Variants in SINHCAF observed in about 807,000 individuals in gnomAD.
The protein encoded by SINHCAF is SIN3-HDAC complex associated factor.
Under a neutral mutation model 25.8 loss-of-function variants are expected in SINHCAF, and 3 were observed. The ratio of observed to expected loss-of-function variants is 0.12; its 90% CI spans 0.05 to 0.30. The LOEUF is 0.30. SINHCAF is among the 10% of genes least tolerant of loss of function. The pLI is 1.00. For synonymous variants in SINHCAF, 70 were observed against 85.5 expected, an observed-to-expected ratio of 0.82 and a Z score of 1.00; for missense variants, 121 against 262.3, an observed-to-expected ratio of 0.46 and a Z score of 3.72.
intron 1 of SINHCAF, among the ~76,000 whole-genome samples, chr12:31,307,115 C>T (rs566036266): frequency 6.6e-6 from 1 of 152,284 alleles, no homozygotes; most frequent in African/African-American, 2.4e-5. Flanking sequence ...AGGCCTGGTG[C>T]AGTGGCTCAT....
At chr12:31,304,023 G>A (rs1938920523) in intron 1 of SINHCAF, 1 of 150,830 alleles carries the variant, frequency 6.6e-6, no homozygotes, top group Non-Finnish European at 1.5e-5. Flanking sequence ...GGAGGCTGAG[G>A]TAGGAGGATC....
chr12:31,315,682 T>G (rs929867784), intron 1 of SINHCAF, among the ~76,000 whole-genome samples: 43 of 152,308 alleles, frequency 2.8e-4, no homozygotes, highest in African/African-American at 1.0e-3. Context: ...AGAAAGAAAT[T>G]TAGAGGAGGA....
At position 31,281,271 on chromosome 12, in the gene SINHCAF, T is replaced by C. The variant is rs1217282783; in HGVS notation, c.*1441A>G. On this transcript the variant is annotated 3_prime_UTR_variant, in exon 6 of 6. Transcript: ENST00000337682. Reference sequence around the variant, plus strand: ...GAGGCTTTTCATGAAAATCTTAGGATTGAAGAGCTCTAAGTTCAGGATATC... The same window carrying C: ...GAGGCTTTTCATGAAAATCTTAGGACTGAAGAGCTCTAAGTTCAGGATATC... 4 of 152,188 alleles carry C rather than the reference T, an allele frequency of 2.6e-5. No homozygotes were observed. The highest frequency in any genetic ancestry group is 9.7e-5 in the African/African-American group (4 of 41,450). 9.4% of individuals were successfully genotyped at this position (152,188 alleles called of 1,614,324 possible). A position where few individuals can be genotyped will look rare whatever the true frequency, so the allele number is the denominator to read the frequency against.
intron 4 of SINHCAF, among the ~76,000 whole-genome samples, chr12:31,292,528 C>A (rs930816966): frequency 6.6e-6 from 1 of 151,508 alleles, no homozygotes. Context: ...AAGAAAATAT[C>A]TAGTGAGAAT....
At chr12:31,293,519 A>C (rs1229566268) in intron 4 of SINHCAF, among the ~76,000 whole-genome samples, 1 of 152,226 alleles carries the variant, frequency 6.6e-6, no homozygotes, top group African/African-American at 2.4e-5. Flanking sequence ...TAAATGAGCT[A>C]GAAATGCACC....
chr12:31,302,861 C>T lies in SINHCAF; in HGVS notation c.-20-4637G>A, dbSNP rs376020692. On this transcript the variant is annotated intron_variant, in intron 1 of 5. Coordinates refer to ENST00000337682, the MANE Select transcript of SINHCAF (RefSeq NM_001135812.2). ...TGATACACAAGTTTACAACCAGTAC[C>T]TGTTAGTAAAATATTTAACAAACTC... 5 of 863,106 alleles carry T rather than the reference C, an allele frequency of 5.8e-6. 1 individual carries two copies. The East Asian group carries it at 4.9e-4, about 84-fold the overall frequency. 53.5% of individuals were successfully genotyped at this position (863,106 alleles called of 1,614,324 possible).
At chr12:31,315,938 G>A (rs929900308) in intron 1 of SINHCAF, among the ~76,000 whole-genome samples, 25 of 152,254 alleles carry the variant, frequency 1.6e-4, no homozygotes, top group Admixed American at 1.0e-3. Context: ...TGCCAAGGTG[G>A]GTGGATCACC....
chr12:31,299,321 T>A (rs202163617), intron 1 of SINHCAF, among the ~76,000 whole-genome samples: 171 of 139,190 alleles, frequency 1.2e-3, no homozygotes, highest in African/African-American at 3.5e-3. Context: ...AAGAAAAAAA[T>A]TTTTTTTTTT....
intron 3 of SINHCAF, 22 bp downstream of exon 3, chr12:31,295,212 G>C (rs182537882): frequency 1.3e-6 from 2 of 1,489,736 alleles, no homozygotes; most frequent in African/African-American, 2.8e-5. Context: ...GTATAATTGA[G>C]AAAAAAGAAA....
intron 1 of SINHCAF, chr12:31,303,959 T>A (rs1472770514): frequency 6.6e-6 from 1 of 152,080 alleles, no homozygotes; most frequent in Non-Finnish European, 1.5e-5. Flanking sequence ...GGTGTCGATG[T>A]AAGTGCAACA....
At chr12:31,311,135 CG>C (rs1939250131) in intron 1 of SINHCAF, among the ~76,000 whole-genome samples, 1 of 151,996 alleles carries the variant, frequency 6.6e-6, no homozygotes, top group Admixed American at 6.6e-5. Flanking sequence ...CCAAAGTGTC[CG>C]GCCGTAATCT....
chr12:31,298,362 C>T (rs1398336608), intron 1 of SINHCAF, 138 bp from the exon 2 acceptor site: 2 of 872,342 alleles, frequency 2.3e-6, no homozygotes, highest in East Asian at 2.6e-5. Flanking sequence ...AAGGGAAGAC[C>T]TCCTGGATCG....
chr12:31,319,847 T>C (rs1304692004), intron 1 of SINHCAF, among the ~76,000 whole-genome samples: 2 of 152,192 alleles, frequency 1.3e-5, no homozygotes, highest in Non-Finnish European at 2.9e-5. Context: ...TTAAATACCC[T>C]GAGAATTGAT....
At chr12:31,312,128 T>G (rs1263775833) in intron 1 of SINHCAF, 1 of 422,134 alleles carries the variant, frequency 2.4e-6, no homozygotes, top group Non-Finnish European at 4.6e-6. Flanking sequence ...CATCAATTGG[T>G]TTTTCCTGTT....
chr12:31,300,195 G>A (rs1201314623), intron 1 of SINHCAF, among the ~76,000 whole-genome samples: 2 of 152,096 alleles, frequency 1.3e-5, no homozygotes, highest in African/African-American at 2.4e-5. Flanking sequence ...GTATTGAGGG[G>A]TTTTGAAATA....
At chr12:31,287,400 T>C (rs1792156211) in intron 5 of SINHCAF, among the ~76,000 whole-genome samples, 1 of 152,170 alleles carries the variant, frequency 6.6e-6, no homozygotes, top group African/African-American at 2.4e-5. Context: ...GTCTTTCTAC[T>C]CCACTTATCT....
rs869251301 is a variant in SINHCAF, at chr12:31,309,664, A to ATTT, written c.-20-11443_-20-11441dup. On this transcript the variant is annotated intron_variant, in intron 1 of 5. Coordinates refer to ENST00000337682, the MANE Select transcript of SINHCAF (RefSeq NM_001135812.2). ...TTTACACCACTAACATCAACTTGTG[A>ATTT]TTTTTTTTTTTTTTTTTTTGAGACG... is the stretch of plus-strand genomic sequence containing the variant. Among the ~76,000 whole-genome samples the ATTT allele has an allele frequency of 4.2e-4, 54 of 128,734 alleles. 1 individual carries two copies. Among genetic ancestry groups the ATTT allele is most frequent in the African/African-American group, 1.3e-3 (44 of 34,376 alleles). The allele number at this position is 128,734 out of a possible 152,430, so 84.5% of individuals were successfully genotyped here.
intron 1 of SINHCAF, among the ~76,000 whole-genome samples, chr12:31,310,555 TTAAGTGTTACCA>T: frequency 6.6e-6 from 1 of 152,064 alleles, no homozygotes; most frequent in Non-Finnish European, 1.5e-5. Flanking sequence ...TTTTAAGAGG[TTAAGTGTTACCA>T]TTGTTAAGTG....
chr12:31,293,704 A>C (rs968156675), intron 4 of SINHCAF, 101 bp downstream of exon 4: 37 of 1,043,620 alleles, frequency 3.5e-5, no homozygotes, highest in Non-Finnish European at 4.8e-5. Flanking sequence ...CTCTTTATAA[A>C]AAGCAATAAA....
Sources: allele counts gnomAD v4.1 joint callset (sites outside exome capture counted in the v4.1 genomes callset), GRCh38; gene constraint gnomAD v4.1.1; transcripts MANE v1.5; gene names NCBI Gene and HGNC (gene_info 2026-07-23, HGNC 2026-07-21).